EGFR: variants seen among roughly 807,000 people sequenced by gnomAD.
EGFR encodes the protein epidermal growth factor receptor, also known as avian erythroblastic leukemia viral (v-erb-b) oncogene homolog.
EGFR carries 58 observed loss-of-function variants against 143.0 expected under a neutral mutation model. That is an observed-to-expected ratio of 0.41 (90% CI 0.33 to 0.50). The LOEUF (loss-of-function observed/expected upper bound fraction) is 0.50, where lower values mean the gene tolerates loss of function less well. Among genes scored for constraint, EGFR ranks in the 20% least tolerant of loss-of-function variants. The pLI, the probability that EGFR is intolerant of heterozygous loss-of-function variation, is 0.39. For synonymous variants in EGFR, 613 were observed against 594.4 expected (o/e 1.03, Z -0.45); for missense variants, 1,307 against 1,579.0 (o/e 0.83, Z 2.92).
Position 55,202,507 on chromosome 7 carries a change from C to T in EGFR, c.3163-10C>T, listed in dbSNP as rs2128972974. On this transcript the variant is annotated splice_polypyrimidine_tract_variant and intron_variant, in intron 26 of 27. Coordinates refer to ENST00000275493, the MANE Select transcript of EGFR (RefSeq NM_005228.5). ...TGACCGGAGTAACCTTCCCTCATTT[C>T]CTCCTGCAGCTGCAAAGCTGTCCCA... 2 of 1,597,868 alleles carry T rather than the reference C, an allele frequency of 1.3e-6. No individual in the cohort carries two copies. The highest frequency in any genetic ancestry group is 1.7e-6 in the Non-Finnish European group (2 of 1,171,774).
At chr7:55,155,771 G>A (rs890783674) in intron 7 of EGFR, 59 bp from the exon 8 acceptor site, 4 of 1,408,958 alleles carry the variant, frequency 2.8e-6, no homozygotes, top group Non-Finnish European at 4.0e-6. Context: ...GACCGCCTGT[G>A]TGAGGCCCGA....
rs1161356904 is a variant in EGFR, at chr7:55,094,364, A to AG, written c.89-47915dup. Among the ~76,000 whole-genome samples the AG allele has an allele frequency of 9.9e-5, 15 of 152,188 alleles. No individual in the cohort carries two copies. The East Asian group carries it at 1.2e-3, about 12-fold the overall frequency. ...GCTGTGGGCTGCCAGGTCGGGGGGC[A>AG]GGGGGGGCCTCACTGTGCAGCCTCC... On this transcript the variant is annotated intron_variant, in intron 1 of 27. Coordinates refer to ENST00000275493, the MANE Select transcript of EGFR (RefSeq NM_005228.5).
intron 1 of EGFR, chr7:55,109,823 G>C (rs1792356954): frequency 1.0e-6 from 1 of 985,302 alleles, no homozygotes; most frequent in Non-Finnish European, 1.2e-6. Context: ...ATCTCCTTTT[G>C]AATGAGCTCT....
At chr7:55,167,725 C>T (rs904844135) in intron 15 of EGFR, among the ~76,000 whole-genome samples, 2 of 152,090 alleles carry the variant, frequency 1.3e-5, no homozygotes, top group Non-Finnish European at 2.9e-5. Context: ...GTGGGAGTAA[C>T]AACAGTGGCA....
At chr7:55,054,741 T>C (rs1788692728) in intron 1 of EGFR, among the ~76,000 whole-genome samples, 1 of 152,204 alleles carries the variant, frequency 6.6e-6, no homozygotes, top group African/African-American at 2.4e-5. Context: ...GCACCGTGCC[T>C]CCGTTCACAC....
chr7:55,063,216 C>T (rs1454042310), intron 1 of EGFR, among the ~76,000 whole-genome samples: 2 of 152,236 alleles, frequency 1.3e-5, no homozygotes, highest in East Asian at 1.9e-4. Context: ...CCTCATTAAA[C>T]TGGCTCCCTT....
intron 20 of EGFR, among the ~76,000 whole-genome samples, chr7:55,185,253 C>A (rs555209018): frequency 6.6e-6 from 1 of 152,328 alleles, no homozygotes; most frequent in Admixed American, 6.5e-5. Context: ...GGATTTTGTT[C>A]TCCATATGCA....
At chr7:55,108,913 C>G (rs1584058252) in intron 1 of EGFR, among the ~76,000 whole-genome samples, 1 of 152,170 alleles carries the variant, frequency 6.6e-6, no homozygotes, top group East Asian at 1.9e-4. Flanking sequence ...ACAGGCTGGG[C>G]AAGTTGCTGT....
In EGFR at chr7:55,205,484, T is replaced by A; in HGVS notation, c.3500T>A (p.Leu1167Gln). Residue 1167 changes from leucine to glutamine, a missense_variant, in exon 28 of 28, where the codon CTG (leucine) becomes CAG (glutamine). Transcript: ENST00000275493. ...WAQKGSHQIS[L>Q]DNPDYQQDFF... ...CAGAAAGGCAGCCACCAAATTAGCC[T>A]GGACAACCCTGACTACCAGCAGGAC... 1 of 1,614,168 alleles carries A rather than the reference T, an allele frequency of 6.2e-7. No homozygotes were observed. Among genetic ancestry groups the A allele is most frequent in the Non-Finnish European group, 8.5e-7 (1 of 1,180,030 alleles).
intron 1 of EGFR, among the ~76,000 whole-genome samples, chr7:55,052,744 G>A (rs906359312): frequency 1.2e-4 from 18 of 152,326 alleles, no homozygotes; most frequent in African/African-American, 3.8e-4. Context: ...CAAGGGCCCC[G>A]TAGGAGAGGG....
intron 25 of EGFR, 150 bp from the exon 26 acceptor site, chr7:55,201,585 C>A (rs1049830194): frequency 8.4e-7 from 1 of 1,190,766 alleles, no homozygotes; most frequent in Non-Finnish European, 1.2e-6. Context: ...TAAATCAAAA[C>A]TAAACCTAGT....
chr7:55,110,765 C>G (rs1792431718), intron 1 of EGFR, among the ~76,000 whole-genome samples: 1 of 152,234 alleles, frequency 6.6e-6, no homozygotes, highest in Non-Finnish European at 1.5e-5. Context: ...TCTCCTTTCT[C>G]TTGCCATTCG....
At chr7:55,187,704 C>G (rs1011917930) in intron 20 of EGFR, among the ~76,000 whole-genome samples, 1 of 152,160 alleles carries the variant, frequency 6.6e-6, no homozygotes, top group Non-Finnish European at 1.5e-5. Context: ...GAGACAGGAG[C>G]GGAGGCTTCT....
intron 1 of EGFR, among the ~76,000 whole-genome samples, chr7:55,078,061 C>A (rs569425972): frequency 2.0e-5 from 3 of 152,226 alleles, no homozygotes; most frequent in South Asian, 2.1e-4. Context: ...GAATAACGTG[C>A]GCGAGTCAAA....
chr7:55,193,013 A>G (rs960658233), intron 22 of EGFR, among the ~76,000 whole-genome samples, 172 bp downstream of exon 22: 38 of 152,132 alleles, frequency 2.5e-4, no homozygotes, highest in Admixed American at 2.0e-4. Flanking sequence ...CGGCAGAGGA[A>G]ATCGAGTCCA....
intron 19 of EGFR, among the ~76,000 whole-genome samples, chr7:55,175,079 A>C (rs1786539262): frequency 6.6e-6 from 1 of 152,188 alleles, no homozygotes; most frequent in Non-Finnish European, 1.5e-5. Context: ...TAGTTTCTTG[A>C]CACGCATGAT....
At chr7:55,108,298 T>C (rs1164060257) in intron 1 of EGFR, among the ~76,000 whole-genome samples, 2 of 152,256 alleles carry the variant, frequency 1.3e-5, no homozygotes, top group Non-Finnish European at 2.9e-5. Context: ...TTCGGAACTG[T>C]CCATGTTCAC....
chr7:55,202,496 T>TGGGAAGGAAA, intron 26 of EGFR, 21 bp from the exon 27 acceptor site: 1 of 1,583,820 alleles, frequency 6.3e-7, no homozygotes, highest in South Asian at 1.1e-5. Context: ...CGGAGTAACC[T>TGGGAAGGAAA]TCCCTCATTT....
At chr7:55,079,634 G>T (rs1240225074) in intron 1 of EGFR, among the ~76,000 whole-genome samples, 2 of 152,024 alleles carry the variant, frequency 1.3e-5, no homozygotes, top group Non-Finnish European at 2.9e-5. Flanking sequence ...ACGGTTTATC[G>T]TGAAGACAGG....
Sources: gnomAD v4.1 joint callset for allele counts (sites outside exome capture counted in the v4.1 genomes callset) on GRCh38, gnomAD v4.1.1 for gene constraint, MANE v1.5 for transcripts, NCBI Gene and HGNC (gene_info 2026-07-23, HGNC 2026-07-21) for gene names.